Variants in ELF4 observed in about 807,000 individuals in gnomAD.
The protein encoded by ELF4 is ETS-related transcription factor Elf-4.
Under a neutral mutation model 31.7 loss-of-function variants are expected in ELF4, and 10 were observed. The ratio of observed to expected loss-of-function variants is 0.32; its 90% CI spans 0.19 to 0.54. The LOEUF (loss-of-function observed/expected upper bound fraction) is 0.54. ELF4 is among the 20% of genes least tolerant of loss of function. The pLI is 0.95. For missense variants in ELF4, 418 were observed against 522.0 expected (o/e 0.80, Z 1.94); for synonymous variants, 208 against 226.7 (o/e 0.92, Z 0.74).
At chrX:130,097,255 T>TA (rs1311015878) in intron 1 of ELF4, among the ~76,000 whole-genome samples, 1 of 108,277 alleles carries the variant, frequency 9.2e-6, no homozygotes, top group Non-Finnish European at 1.9e-5. Context: ...CTGACCAACA[T>TA]GGAGAAACCC....
At chrX:130,071,694 G>A (rs771006501) in intron 5 of ELF4, among the ~76,000 whole-genome samples, 93 of 112,954 alleles carry the variant, frequency 8.2e-4, no homozygotes, top group Non-Finnish European at 1.2e-3. Context: ...CTTCTGATAC[G>A]GAAAGGCAGC....
intron 1 of ELF4, among the ~76,000 whole-genome samples, chrX:130,109,155 C>A: frequency 8.9e-6 from 1 of 112,507 alleles, no homozygotes; most frequent in Non-Finnish European, 1.9e-5. Flanking sequence ...CCACCTCCAA[C>A]CTGGCACTCG....
At chrX:130,101,715 C>T (rs1005292560) in intron 1 of ELF4, among the ~76,000 whole-genome samples, 1 of 110,552 alleles carries the variant, frequency 9.0e-6, no homozygotes, top group African/African-American at 3.3e-5. Flanking sequence ...AGGAGAATCG[C>T]TTGAACCCGG....
intron 1 of ELF4, among the ~76,000 whole-genome samples, chrX:130,100,899 G>C (rs919673351): frequency 8.9e-6 from 1 of 112,283 alleles, no homozygotes; most frequent in African/African-American, 3.2e-5. Context: ...CACAGGTCCT[G>C]ATAGATCTTA....
intron 1 of ELF4, among the ~76,000 whole-genome samples, chrX:130,089,503 T>G (rs1178889370): frequency 1.5e-4 from 6 of 40,946 alleles, no homozygotes; most frequent in Non-Finnish European, 2.2e-4. Flanking sequence ...GAGTGAGACC[T>G]CAGCTCAAAA....
intron 1 of ELF4, among the ~76,000 whole-genome samples, chrX:130,110,103 C>G (rs947681549): frequency 6.3e-5 from 7 of 111,718 alleles, no homozygotes; most frequent in Non-Finnish European, 1.3e-4. Context: ...CCCGACTCCC[C>G]GACTCGGGGA....
intron 7 of ELF4, among the ~76,000 whole-genome samples, chrX:130,070,499 C>T (rs1483293850): frequency 9.1e-6 from 1 of 109,656 alleles, no homozygotes; most frequent in African/African-American, 3.3e-5. Context: ...GGCGTGAACC[C>T]GGGAGGTAGA....
intron 8 of ELF4, among the ~76,000 whole-genome samples, chrX:130,068,454 C>T (rs900352082): frequency 8.9e-6 from 1 of 112,151 alleles, no homozygotes; most frequent in African/African-American, 3.2e-5. Flanking sequence ...CAGAGCTCAT[C>T]TTCCTCACCA....
At chrX:130,071,440 G>A (rs761058400) in intron 5 of ELF4, 21 bp from the exon 6 acceptor site, 2 of 1,204,009 alleles carry the variant, frequency 1.7e-6, no homozygotes, top group Admixed American at 2.2e-5. Context: ...AAGGTGAGTA[G>A]GATGAGGAGC....
At chrX:130,079,365 C>T (rs1687726638) in intron 2 of ELF4, among the ~76,000 whole-genome samples, 1 of 111,057 alleles carries the variant, frequency 9.0e-6, no homozygotes, top group Non-Finnish European at 1.9e-5. Flanking sequence ...GGCTGAGGCA[C>T]AAGAATCGCT....
upstream of ELF4, chrX:130,110,755 GGCGGGGTGGAGCGCGCGGGGA>G (rs1289274271): frequency 1.1e-3 from 116 of 104,838 alleles, 1 homozygote; most frequent in African/African-American, 4.0e-3. Context: ...CGGGGCGGGG[GGCGGGGTGGAGCGCGCGGGGA>G]GCGGGGCGGA....
At chrX:130,096,277 G>A (rs1399506783) in intron 1 of ELF4, among the ~76,000 whole-genome samples, 1 of 111,155 alleles carries the variant, frequency 9.0e-6, no homozygotes, top group Non-Finnish European at 1.9e-5. Context: ...CTGCCTCCCG[G>A]GTTCAAGTTA....
intron 2 of ELF4, among the ~76,000 whole-genome samples, chrX:130,078,385 TG>T (rs1367311889): frequency 7.9e-3 from 1 of 126 alleles, no homozygotes; most frequent in Admixed American, 0.1. Flanking sequence ...TTGGGAGGCG[TG>T]AGAGCAGAAG....
intron 4 of ELF4, among the ~76,000 whole-genome samples, 186 bp downstream of exon 4, chrX:130,073,863 G>A: frequency 8.9e-6 from 1 of 112,533 alleles, no homozygotes; most frequent in Non-Finnish European, 1.9e-5. Context: ...GGACTTTGAG[G>A]ACATCGTGCT....
chrX:130,081,809 G>A (rs1932891657), intron 1 of ELF4, among the ~76,000 whole-genome samples: 1 of 112,027 alleles, frequency 8.9e-6, no homozygotes, highest in Non-Finnish European at 1.9e-5. Context: ...TCGGCATCTC[G>A]CACTAGTCCC....
chrX:130,093,306 GAA>G (rs5903792), intron 1 of ELF4, among the ~76,000 whole-genome samples: 11 of 90,212 alleles, frequency 1.2e-4, no homozygotes, highest in Middle Eastern at 5.8e-3. Context: ...CTCTGTCTCA[GAA>G]AAAAAAAAAA....
intron 1 of ELF4, among the ~76,000 whole-genome samples, chrX:130,107,373 G>A (rs1338153993): frequency 8.9e-6 from 1 of 111,866 alleles, no homozygotes; most frequent in Non-Finnish European, 1.9e-5. Flanking sequence ...GGGAGGGTGG[G>A]AGGTGCATCT....
intron 2 of ELF4, among the ~76,000 whole-genome samples, chrX:130,076,770 T>C (rs1283890354): frequency 1.8e-5 from 2 of 112,226 alleles, no homozygotes; most frequent in South Asian, 3.6e-4. Context: ...ATGATTTTTT[T>C]CCCCCTTTCT....
chrX:130,067,322 G>C lies in ELF4; in HGVS notation c.1391C>G (p.Pro464Arg). 8.2e-7 allele frequency: 1 copy of C among 1,212,350 alleles called. No individual in the cohort carries two copies. The highest frequency in any genetic ancestry group is 1.1e-6 in the Non-Finnish European group (1 of 895,613). ...KDTFTLQASF[P>R]LNASFQDSQV... The stretch of plus-strand genomic sequence containing the variant: ...GCTGTCTTGGAAACTGGCGTTCAGG[G>C]GGAAAGAGGCCTGCAAAGTGAAGGT... The change falls in exon 9 of 9, where the codon CCC (proline) becomes CGC (arginine). Residue 464 changes from proline to arginine, a missense_variant. Pro to Arg is a moderately radical substitution (Grantham distance 103, BLOSUM62 -2). Coordinates refer to ENST00000308167, the MANE Select transcript of ELF4 (RefSeq NM_001421.4).
Sources: allele counts gnomAD v4.1 joint callset (sites outside exome capture counted in the v4.1 genomes callset), GRCh38; gene constraint gnomAD v4.1.1; transcripts MANE v1.5; gene names NCBI Gene and HGNC (gene_info 2026-07-23, HGNC 2026-07-21).